Variants in ZNF721 observed in about 807,000 individuals in gnomAD.
ZNF721 encodes the protein zinc finger protein 721.
A neutral mutation model predicts 2.4 loss-of-function variants in ZNF721; 2 were observed. The ratio of observed to expected loss-of-function variants is 0.82; its 90% CI spans 0.34 to 2.58. The LOEUF (loss-of-function observed/expected upper bound fraction) is 2.58. ZNF721 is among the 30% of genes most tolerant of loss of function. ZNF721 has a pLI of 0.11. For synonymous variants in ZNF721, 398 were observed against 381.8 expected (o/e 1.04, Z -0.50); for missense variants, 1,187 against 1,085.5 (o/e 1.09, Z -1.31).
chr4:468,687 A>C (rs923306609), intron 2 of ZNF721, among the ~76,000 whole-genome samples: 9 of 152,092 alleles, frequency 5.9e-5, no homozygotes, highest in Admixed American at 5.2e-4. Flanking sequence ...CTCAGCTACA[A>C]CCCTTCTTCT....
At chr4:455,969 A>G (rs1192284420) in intron 2 of ZNF721, among the ~76,000 whole-genome samples, 2 of 152,116 alleles carry the variant, frequency 1.3e-5, no homozygotes, top group African/African-American at 2.4e-5. Context: ...AACATAATCA[A>G]ACAATAAATA....
chr4:448,249 A>C (rs1252576966), intron 2 of ZNF721, among the ~76,000 whole-genome samples: 1 of 152,092 alleles, frequency 6.6e-6, no homozygotes, highest in African/African-American at 2.4e-5. Context: ...TAAAAGAAAG[A>C]AAACTATAAA....
rs567830519 is a variant in ZNF721 at position 465,792 on chromosome 4, AC to A, written c.34+6782del. ...GTCTCTTGGAAATTACAAAAAAAAA[AC>A]AAAACAAAACTGTAGTAGATACACA... On this transcript the variant is annotated intron_variant, in intron 2 of 2. Transcript: ENST00000511833. Among the ~76,000 whole-genome samples the A allele has an allele frequency of 5.0e-3, 763 of 151,708 alleles. 5 individuals are homozygous for A. The highest frequency in any genetic ancestry group is 0.017 in the African/African-American group (719 of 41,380).
intron 2 of ZNF721, among the ~76,000 whole-genome samples, chr4:445,554 T>A (rs1391154615): frequency 6.6e-6 from 1 of 151,836 alleles, no homozygotes; most frequent in Non-Finnish European, 1.5e-5. Context: ...CAGAAAACCA[T>A]AAAAAAAGAT....
At chr4:490,273 G>A (rs1232830572) in intron 1 of ZNF721, among the ~76,000 whole-genome samples, 3 of 151,642 alleles carry the variant, frequency 2.0e-5, no homozygotes, top group South Asian at 2.1e-4. Flanking sequence ...TGAGGAGATC[G>A]AGACCATCCT....
In ZNF721 at chr4:442,658, G is replaced by C. The variant is rs782810165; in HGVS notation, c.1809C>G (p.His603Gln). 5 of 1,612,838 alleles carry C rather than the reference G, an allele frequency of 3.1e-6. No individual in the cohort carries two copies. Among genetic ancestry groups the C allele is most frequent in the African/African-American group, 2.7e-5 (2 of 74,558 alleles). Residue 603 changes from histidine (H) to glutamine (Q), a missense_variant, in exon 3 of 3, where the codon CAC becomes CAG. Physicochemically the swap from His to Gln is conservative, Grantham distance 24 (BLOSUM62 0). Transcript: ENST00000511833. ...GTTTCTCTCCAGTATGAATTTTCTT[G>C]TGTTGATTCAGGTCTGTGTACCGTC... is the stretch of plus-strand genomic sequence containing the variant. ...AFGRYTDLNQ[H>Q]KKIHTGEKLY...
At chr4:472,460 G>T in intron 2 of ZNF721, 115 bp downstream of exon 2, 2 of 1,123,820 alleles carry the variant, frequency 1.8e-6, no homozygotes, top group Non-Finnish European at 2.5e-6. Flanking sequence ...AACTTACATA[G>T]CTGTGTGTGT....
intron 1 of ZNF721, among the ~76,000 whole-genome samples, chr4:491,191 G>A (rs1716011172): frequency 6.6e-6 from 1 of 152,188 alleles, no homozygotes. Flanking sequence ...ACTTTGGGAG[G>A]CCAAGGCGGG....
At position 440,254 on chromosome 4, in the gene ZNF721, A is replaced by G. The variant is rs1286274124; in HGVS notation, c.*1441T>C. 2 of 152,198 alleles carry G rather than the reference A, an allele frequency of 1.3e-5. No individual in the cohort carries two copies. The highest frequency in any genetic ancestry group is 3.8e-4 in the East Asian group (2 of 5,200). The allele number at this position is 152,198 out of a possible 1,614,324, so 9.4% of individuals were successfully genotyped here. A position where few individuals can be genotyped will look rare whatever the true frequency, so the allele number is the denominator to read the frequency against. On this transcript the variant is annotated 3_prime_UTR_variant, in exon 3 of 3. Coordinates refer to ENST00000511833, the MANE Select transcript of ZNF721 (RefSeq NM_133474.4). ...CTTTTATTTCTCTTCTCTTTCATGT[A>G]GAAGTCTATGAATAATGCCCACCTA... is the stretch of plus-strand genomic sequence containing the variant.
chr4:444,599 C>T (rs540508230), intron 2 of ZNF721, among the ~76,000 whole-genome samples, 167 bp from the exon 3 acceptor site: 1 of 152,312 alleles, frequency 6.6e-6, no homozygotes, highest in South Asian at 2.1e-4. Flanking sequence ...ATCAAAATGC[C>T]TTTGTGTGAA....
rs189609270 is a variant in ZNF721, at chr4:458,604, T to C, written c.34+13971A>G. On this transcript the variant is annotated intron_variant, in intron 2 of 2. Coordinates refer to ENST00000511833, the MANE Select transcript of ZNF721 (RefSeq NM_133474.4). Reference sequence around the variant, plus strand: ...GCTCACGCCTGTAATCCCAGCACTTTGGAGGCCAAGGCGGGCATATCACCC... The same window carrying C: ...GCTCACGCCTGTAATCCCAGCACTTCGGAGGCCAAGGCGGGCATATCACCC... Among the ~76,000 whole-genome samples, 795 of 152,166 alleles carry C rather than the reference T, an allele frequency of 5.2e-3. 6 individuals are homozygous for C. The highest frequency in any genetic ancestry group is 0.018 in the African/African-American group (751 of 41,520).
chr4:472,960 G>A (rs1715485760), intron 1 of ZNF721, among the ~76,000 whole-genome samples: 1 of 151,964 alleles, frequency 6.6e-6, no homozygotes, highest in African/African-American at 2.4e-5. Flanking sequence ...GTGACCTCCT[G>A]GAAAACAGGT....
chr4:468,603 T>C (rs1185168089), intron 2 of ZNF721, among the ~76,000 whole-genome samples: 1 of 152,142 alleles, frequency 6.6e-6, no homozygotes, highest in Non-Finnish European at 1.5e-5. Context: ...AGAAAGAATC[T>C]GTGACTGTCT....
At chr4:467,263 CACAT>C (rs1364155471) in intron 2 of ZNF721, among the ~76,000 whole-genome samples, 1 of 151,996 alleles carries the variant, frequency 6.6e-6, no homozygotes, top group Non-Finnish European at 1.5e-5. Flanking sequence ...ACATGGCTTA[CACAT>C]ACAATGAAAA....
intron 1 of ZNF721, among the ~76,000 whole-genome samples, chr4:491,987 T>C (rs1454843209): frequency 2.7e-5 from 4 of 149,270 alleles, no homozygotes; most frequent in African/African-American, 5.1e-5. Context: ...ACCCCATCTC[T>C]ACTAAAAAAA....
intron 1 of ZNF721, among the ~76,000 whole-genome samples, chr4:495,321 A>C (rs1309700598): frequency 2.2e-5 from 3 of 138,574 alleles, no homozygotes; most frequent in Non-Finnish European, 4.6e-5. Context: ...CAAAAAAAAA[A>C]ACTTTTGCTC....
At chr4:464,249 T>A (rs900890650) in intron 2 of ZNF721, among the ~76,000 whole-genome samples, 9 of 152,156 alleles carry the variant, frequency 5.9e-5, no homozygotes, top group Admixed American at 2.0e-4. Context: ...GGCGGGTGTA[T>A]CACCTGAGGT....
intron 1 of ZNF721, among the ~76,000 whole-genome samples, chr4:492,312 C>A (rs1716044827): frequency 6.6e-6 from 1 of 151,896 alleles, no homozygotes. Context: ...AGAAAAAGAC[C>A]TTCTGCAGTG....
At chr4:460,191 G>A (rs1294894421) in intron 2 of ZNF721, among the ~76,000 whole-genome samples, 2 of 152,104 alleles carry the variant, frequency 1.3e-5, no homozygotes, top group Non-Finnish European at 2.9e-5. Flanking sequence ...CACATAACTG[G>A]AAGTAAAACA....
Sources: gnomAD v4.1 joint callset for allele counts (sites outside exome capture counted in the v4.1 genomes callset) on GRCh38, gnomAD v4.1.1 for gene constraint, MANE v1.5 for transcripts, NCBI Gene and HGNC (gene_info 2026-07-23, HGNC 2026-07-21) for gene names.